The following PTPRS variants were observed in gnomAD, a reference collection of about 807,000 sequenced individuals.
PTPRS encodes the protein protein tyrosine phosphatase receptor type S.
A neutral mutation model predicts 215.3 loss-of-function variants in PTPRS; 63 were observed. The observed-to-expected ratio is 0.29, with a 90% CI of 0.24 to 0.36. The LOEUF is 0.36. PTPRS is among the 10% of genes least tolerant of loss of function. The pLI is 1.00. For synonymous variants in PTPRS, 1,404 were observed against 1,191.4 expected (o/e 1.18, Z -3.68); for missense variants, 2,258 against 2,825.8 (o/e 0.80, Z 4.56).
chr19:5,288,443 C>T (rs1214843623), intron 1 of PTPRS, among the ~76,000 whole-genome samples: 3 of 152,324 alleles, frequency 2.0e-5, no homozygotes, highest in African/African-American at 7.2e-5. Flanking sequence ...GGAAATAAAG[C>T]CTAGAGCACA....
intron 6 of PTPRS, 72 bp from the exon 7 acceptor site, chr19:5,260,894 A>G: frequency 1.3e-6 from 2 of 1,560,394 alleles, no homozygotes; most frequent in Non-Finnish European, 1.8e-6. Flanking sequence ...GCCCCAGGGA[A>G]GCTGGGCTGG....
intron 1 of PTPRS, among the ~76,000 whole-genome samples, chr19:5,325,158 G>A (rs774959711): frequency 1.3e-5 from 2 of 152,194 alleles, no homozygotes; most frequent in Non-Finnish European, 2.9e-5. Context: ...GGTCCAAAAT[G>A]GCTGCCTGAG....
chr19:5,268,287 C>T (rs1398725104), intron 4 of PTPRS, among the ~76,000 whole-genome samples: 1 of 152,088 alleles, frequency 6.6e-6, no homozygotes, highest in Non-Finnish European at 1.5e-5. Context: ...GTTGTTGCTG[C>T]GACAGAGACC....
chr19:5,231,439 G>C lies in PTPRS; in HGVS notation c.2026C>G (p.Pro676Ala). 6.2e-7 allele frequency: 1 copy of C among 1,613,130 alleles called. No individual in the cohort carries two copies. Among genetic ancestry groups the C allele is most frequent in the Non-Finnish European group, 8.5e-7 (1 of 1,179,922 alleles). Residue 676 changes from proline to alanine, a missense_variant, in exon 14 of 38, where the codon CCG (proline) becomes GCG (alanine). Pro to Ala is a conservative substitution (Grantham distance 27). Coordinates refer to ENST00000262963, the MANE Select transcript of PTPRS (RefSeq NM_002850.4). ...PEPKEVNGIP[P>A]TTTQILLEAL... ...TCCAGCAGGATCTGAGTGGTGGTCG[G>C]GGGGATGCCGTTCACCTCCTTGGGT...
chr19:5,298,958 G>A (rs1166827094), intron 1 of PTPRS, among the ~76,000 whole-genome samples: 1 of 152,072 alleles, frequency 6.6e-6, no homozygotes, highest in African/African-American at 2.4e-5. Context: ...ATACTCTCAC[G>A]TTTGTCTCCT....
intron 16 of PTPRS, among the ~76,000 whole-genome samples, chr19:5,227,269 C>A (rs936260230): frequency 6.6e-6 from 1 of 151,878 alleles, no homozygotes; most frequent in Non-Finnish European, 1.5e-5. Context: ...CCAGGCTGGT[C>A]TTAAACTTTG....
At chr19:5,290,112 C>T (rs776605331) in intron 1 of PTPRS, among the ~76,000 whole-genome samples, 6 of 152,230 alleles carry the variant, frequency 3.9e-5, no homozygotes, top group African/African-American at 4.8e-5. Flanking sequence ...AGGGAGTGAC[C>T]GCTGGACGCT....
intron 7 of PTPRS, among the ~76,000 whole-genome samples, chr19:5,258,349 AG>A (rs1184340646): frequency 6.6e-6 from 1 of 152,222 alleles, no homozygotes. Context: ...CAGATTCCCC[AG>A]CAAATTCTCC....
At chr19:5,277,412 C>T (rs12983353) in intron 2 of PTPRS, among the ~76,000 whole-genome samples, 27,893 of 151,882 alleles carry the variant, frequency 0.18, 2,860 homozygotes, top group Non-Finnish European at 0.24. Flanking sequence ...TCCCAGCACT[C>T]TGGGAGACTG....
At position 5,231,347 on chromosome 19, in the gene PTPRS, G is replaced by A. The variant is rs150068823; in HGVS notation, c.2118C>T (p.Pro706=). The change falls in exon 14 of 38, where the codon CCC becomes CCT. Residue 706 remains proline, a synonymous_variant. Transcript: ENST00000262963. ...TGCGGACGACCACGGGCGAGCTCTCGGGCCCTGGTCCCACCTCTGTGTGAG... is the reference window on the plus strand; with the variant it reads ...TGCGGACGACCACGGGCGAGCTCTCAGGCCCTGGTCCCACCTCTGTGTGAG... ...TVAHTEVGPG[P]ESSPVVVRTD... 6.3e-5 allele frequency: 102 copies of A among 1,611,768 alleles called. 1 individual carries two copies. In the South Asian group the frequency reaches 6.6e-4, roughly 10 times the overall value.
At chr19:5,283,258 AACCCCAGCACTTTCTCCTGTC>A (rs61590743) in intron 2 of PTPRS, among the ~76,000 whole-genome samples, 65,518 of 151,670 alleles carry the variant, frequency 0.43, 14,371 homozygotes, top group East Asian at 0.68. Flanking sequence ...CTATGCCTGT[AACCCCAGCACTTTCTCCTGTC>A]ACCCCAGCAC....
Position 5,225,721 on chromosome 19 carries a change from G to A in PTPRS, c.2494+6C>T, listed in dbSNP as rs1208396886. 1 of 1,611,982 alleles carries A rather than the reference G, an allele frequency of 6.2e-7. No individual in the cohort carries two copies. Among genetic ancestry groups the A allele is most frequent in the Non-Finnish European group, 8.5e-7 (1 of 1,178,192 alleles). On this transcript the variant is annotated splice_donor_region_variant and intron_variant, in intron 17 of 37. Coordinates refer to ENST00000262963, the MANE Select transcript of PTPRS (RefSeq NM_002850.4). ...TTGGTGGGTGGGAGGAGGGCGGGTT[G>A]CATACCTGCTCCCTTGGTCACAACC...
chr19:5,290,845 C>T (rs1162100899), intron 1 of PTPRS, among the ~76,000 whole-genome samples: 2 of 151,898 alleles, frequency 1.3e-5, no homozygotes, highest in African/African-American at 2.4e-5. Context: ...CCGCCTGGAA[C>T]GTCATTTCCA....
chr19:5,218,574 CATGT>C (rs1283138208), intron 24 of PTPRS, 42 bp from the exon 25 acceptor site: 7 of 1,591,640 alleles, frequency 4.4e-6, no homozygotes, highest in Non-Finnish European at 6.0e-6. Flanking sequence ...AGTAGTGGCA[CATGT>C]TCATGTGTGA....
rs1353313145 is a variant in PTPRS, at chr19:5,206,622, G to C, written c.*152C>G. On this transcript the variant is annotated 3_prime_UTR_variant, in exon 38 of 38. Transcript: ENST00000262963. ...CGGGGCCGGTGGGGGGGCTCGAGGG[G>C]CTGCGTCGTCCTCGGAAATGGTGCA... 2 of 644,474 alleles carry C rather than the reference G, an allele frequency of 3.1e-6. No homozygotes were observed. Among genetic ancestry groups the C allele is most frequent in the Non-Finnish European group, 5.3e-6 (2 of 376,966 alleles). 39.9% of individuals were successfully genotyped at this position (644,474 alleles called of 1,614,324 possible). A position where few individuals can be genotyped will look rare whatever the true frequency, so the allele number is the denominator to read the frequency against.
rs369723457 is a variant in PTPRS, at chr19:5,254,773, G to T, written c.718+1335C>A. Among the ~76,000 whole-genome samples, 11 of 152,322 alleles carry T rather than the reference G, an allele frequency of 7.2e-5. No homozygotes were observed. The East Asian group carries it at 1.4e-3, about 19-fold the overall frequency. ...CAGCCAGTGCTGCCTGGGAGGCAGA[G>T]GCATAGTGTTCCAGGTCAGATAATT... On this transcript the variant is annotated intron_variant, in intron 9 of 37. Transcript: ENST00000262963.
rs889516207 is a variant in PTPRS, at chr19:5,287,589, C to G, written c.-94-1355G>C. ...ATGCCAGCCCATGCCCTGGGCGGGT[C>G]CAGGCCGTGACCACAGGAACTGGTG... On this transcript the variant is annotated intron_variant, in intron 1 of 37. Transcript: ENST00000262963. This position sits in a 1 kb window ranked among gnomAD's most constrained non-coding sequence, Gnocchi z 4.8. Among the ~76,000 whole-genome samples, 29 of 152,144 alleles carry G rather than the reference C, an allele frequency of 1.9e-4. 1 individual carries two copies. The highest frequency in any genetic ancestry group is 3.4e-4 in the Non-Finnish European group (23 of 68,034).
At chr19:5,317,897 C>T (rs1490272151) in intron 1 of PTPRS, among the ~76,000 whole-genome samples, 3 of 152,228 alleles carry the variant, frequency 2.0e-5, no homozygotes, top group South Asian at 2.1e-4. Context: ...TTAGGCCAGG[C>T]GCAGTGGCTC....
intron 1 of PTPRS, among the ~76,000 whole-genome samples, chr19:5,335,661 T>C (rs1294747983): frequency 6.6e-6 from 1 of 151,970 alleles, no homozygotes; most frequent in Non-Finnish European, 1.5e-5. Flanking sequence ...CCAGATAACA[T>C]AAAGAGTACG....
Sources: allele counts gnomAD v4.1 joint callset (sites outside exome capture counted in the v4.1 genomes callset), GRCh38; gene constraint gnomAD v4.1.1; non-coding constraint Gnocchi (gnomAD v3.1); transcripts MANE v1.5; gene names NCBI Gene and HGNC (gene_info 2026-07-23, HGNC 2026-07-21).